The following CEP170 variants were observed in gnomAD, a reference collection of about 807,000 sequenced individuals.
The protein encoded by CEP170 is centrosomal protein 170.
CEP170 carries 21 observed loss-of-function variants against 151.9 expected under a neutral mutation model. The observed-to-expected ratio is 0.14, with a 90% CI of 0.10 to 0.20. CEP170 has a LOEUF of 0.20. Ranked by LOEUF, CEP170 falls within the 10% of genes least tolerant of loss-of-function variation. The pLI is 1.00. For missense variants in CEP170, 964 were observed against 1,892.9 expected (o/e 0.51, Z 9.11); for synonymous variants, 356 against 648.8 (o/e 0.55, Z 6.86).
intron 3 of CEP170, among the ~76,000 whole-genome samples, chr1:243,214,642 T>C (rs1462227516): frequency 1.3e-5 from 2 of 150,630 alleles, no homozygotes; most frequent in Non-Finnish European, 3.0e-5. Flanking sequence ...CCAGAAATAA[T>C]ACACTAGAAT....
chr1:243,247,761 T>C (rs2065558936), intron 1 of CEP170, among the ~76,000 whole-genome samples: 1 of 152,218 alleles, frequency 6.6e-6, no homozygotes. Context: ...TAAAAAACTA[T>C]TCCTACAGAC....
chr1:243,233,092 T>C (rs1405391695), intron 1 of CEP170, among the ~76,000 whole-genome samples: 1 of 152,220 alleles, frequency 6.6e-6, no homozygotes, highest in Non-Finnish European at 1.5e-5. Flanking sequence ...TTCGGTTGTC[T>C]CTTTCTTATT....
At chr1:243,154,556 A>G (rs1162034043) in intron 14 of CEP170, among the ~76,000 whole-genome samples, 1 of 152,270 alleles carries the variant, frequency 6.6e-6, no homozygotes, top group African/African-American at 2.4e-5. Context: ...GCTAGAAAGT[A>G]TAACTTGAAA....
chr1:243,188,405 T>G (rs1395847396), intron 8 of CEP170, among the ~76,000 whole-genome samples: 1 of 152,194 alleles, frequency 6.6e-6, no homozygotes, highest in Non-Finnish European at 1.5e-5. Flanking sequence ...AGTCATTTTC[T>G]TTTTTGGAAA....
Position 243,165,558 on chromosome 1 carries a change from C to T in CEP170, c.2402G>A (p.Arg801Lys). ...TCTCTTGCTCTCACTTTGTGCCACT[C>T]TGTCTCCTTTGCTTGTAGAATGTCC... is the stretch of plus-strand genomic sequence containing the variant. ...NSGHSTSKGD[R>K]VAQSESKRRK... The change falls in exon 13 of 20, where the codon AGA becomes AAA. Residue 801 changes from arginine (R) to lysine (K), a missense_variant. Transcript: ENST00000366542. 6.2e-7 allele frequency: 1 copy of T among 1,613,870 alleles called. No homozygotes were observed. The highest frequency in any genetic ancestry group is 8.5e-7 in the Non-Finnish European group (1 of 1,179,868).
At chr1:243,179,395 G>A (rs567349849) in intron 10 of CEP170, among the ~76,000 whole-genome samples, 10 of 152,134 alleles carry the variant, frequency 6.6e-5, no homozygotes, top group Admixed American at 2.0e-4. Context: ...GGAACTCAAA[G>A]GTAAGTCTAG....
intron 17 of CEP170, among the ~76,000 whole-genome samples, chr1:243,134,861 C>T (rs1286105875): frequency 1.3e-5 from 2 of 152,002 alleles, no homozygotes; most frequent in East Asian, 3.9e-4. Context: ...TCTGTCAATA[C>T]ATTTCACTCA....
At chr1:243,242,132 T>C (rs2064907232) in intron 1 of CEP170, among the ~76,000 whole-genome samples, 2 of 152,110 alleles carry the variant, frequency 1.3e-5, no homozygotes, top group South Asian at 4.1e-4. Flanking sequence ...CCTACCCTCA[T>C]CTTGTTATAT....
At chr1:243,161,885 T>G (rs898439814) in intron 13 of CEP170, among the ~76,000 whole-genome samples, 4 of 152,248 alleles carry the variant, frequency 2.6e-5, no homozygotes, top group Admixed American at 6.5e-5. Context: ...AGAAATGTTA[T>G]AATATCAAAG....
chr1:243,173,121 C>T (rs1364577990), intron 10 of CEP170, among the ~76,000 whole-genome samples: 9 of 151,322 alleles, frequency 5.9e-5, no homozygotes, highest in Admixed American at 1.3e-4. Context: ...AGTACAGTGG[C>T]GTGATCTCGG....
At chr1:243,147,923 G>A (rs2056681822) in intron 14 of CEP170, among the ~76,000 whole-genome samples, 1 of 152,214 alleles carries the variant, frequency 6.6e-6, no homozygotes, top group Non-Finnish European at 1.5e-5. Context: ...GCTCACGCCT[G>A]TAATCTCAGC....
chr1:243,225,907 G>A (rs923046333), intron 1 of CEP170, among the ~76,000 whole-genome samples: 5 of 150,736 alleles, frequency 3.3e-5, no homozygotes, highest in Admixed American at 2.6e-4. Flanking sequence ...CTGTTCTTGG[G>A]ACCCTTTTAT....
intron 17 of CEP170, among the ~76,000 whole-genome samples, chr1:243,133,460 A>G (rs552030500): frequency 6.6e-6 from 1 of 152,382 alleles, no homozygotes; most frequent in East Asian, 1.9e-4. Flanking sequence ...CCAGCTTTAG[A>G]AAATAATTTT....
At chr1:243,153,996 A>G (rs1159999783) in intron 14 of CEP170, among the ~76,000 whole-genome samples, 3 of 152,272 alleles carry the variant, frequency 2.0e-5, no homozygotes, top group Admixed American at 6.5e-5. Context: ...CTACCAAAGC[A>G]TATGCATCAG....
At chr1:243,146,163 T>A (rs1467381906) in intron 14 of CEP170, among the ~76,000 whole-genome samples, 1 of 152,232 alleles carries the variant, frequency 6.6e-6, no homozygotes, top group East Asian at 1.9e-4. Context: ...AATTAGCTTT[T>A]AATCCTTGTA....
chr1:243,225,296 T>G lies in CEP170; in HGVS notation c.-16A>C. ...TTAAGCTCATTTTCTGCTTAGCTTC[T>G]AAGTCTTTGGCAAAGCTACGTCATC... On this transcript the variant is annotated 5_prime_UTR_variant, in exon 2 of 20. Coordinates refer to ENST00000366542, the MANE Select transcript of CEP170 (RefSeq NM_014812.3). The G allele has an allele frequency of 1.3e-6, 2 of 1,530,380 alleles. No homozygotes were observed. The highest frequency in any genetic ancestry group is 1.8e-6 in the Non-Finnish European group (2 of 1,128,786). 94.8% of individuals were successfully genotyped at this position (1,530,380 alleles called of 1,614,324 possible). A position where few individuals can be genotyped will look rare whatever the true frequency, so the allele number is the denominator to read the frequency against.
At chr1:243,134,334 G>C (rs898874410) in intron 17 of CEP170, among the ~76,000 whole-genome samples, 9 of 151,964 alleles carry the variant, frequency 5.9e-5, no homozygotes, top group Non-Finnish European at 1.3e-4. Context: ...TTATTCTGTA[G>C]AAAATTAAGT....
chr1:243,232,563 C>A (rs1262684725), intron 1 of CEP170, among the ~76,000 whole-genome samples: 1 of 152,168 alleles, frequency 6.6e-6, no homozygotes, highest in African/African-American at 2.4e-5. Context: ...TATGATTACA[C>A]CTCAAGTTGA....
At chr1:243,149,643 T>C (rs2148397336) in intron 14 of CEP170, among the ~76,000 whole-genome samples, 1 of 152,316 alleles carries the variant, frequency 6.6e-6, no homozygotes, top group South Asian at 2.1e-4. Flanking sequence ...ATCCATAATA[T>C]TTTCTCCAAA....
Sources: allele counts gnomAD v4.1 joint callset (sites outside exome capture counted in the v4.1 genomes callset), GRCh38; gene constraint gnomAD v4.1.1; transcripts MANE v1.5; gene names NCBI Gene and HGNC (gene_info 2026-07-23, HGNC 2026-07-21).